Variants in CD200R1L observed in about 807,000 individuals in gnomAD.
CD200R1L encodes cell surface glycoprotein CD200 receptor 2.
A neutral mutation model predicts 24.8 loss-of-function variants in CD200R1L; 14 were observed. The ratio of observed to expected loss-of-function variants is 0.56; its 90% CI spans 0.37 to 0.88. The LOEUF (loss-of-function observed/expected upper bound fraction) is 0.88. Ranked by LOEUF, CD200R1L falls within the 40% of genes least tolerant of loss-of-function variation. The pLI is 0.00. For missense variants in CD200R1L, 299 were observed against 297.8 expected (o/e 1.00, Z -0.03); for synonymous variants, 111 against 109.2 (o/e 1.02, Z -0.11).
At chr3:112,832,049 T>C (rs1938814498) in intron 3 of CD200R1L, among the ~76,000 whole-genome samples, 2 of 152,238 alleles carry the variant, frequency 1.3e-5, no homozygotes, top group Non-Finnish European at 2.9e-5. Flanking sequence ...GGGTCTTGGT[T>C]ATCCCAGCCA....
intron 3 of CD200R1L, among the ~76,000 whole-genome samples, chr3:112,834,461 TCTAAGCTATAG>T (rs1027152375): frequency 2.0e-5 from 3 of 152,136 alleles, no homozygotes; most frequent in East Asian, 1.9e-4. Context: ...TAAGAATTCC[TCTAAGCTATAG>T]CTAAGCTATA....
chr3:112,835,078 C>T (rs1938902588), intron 3 of CD200R1L, among the ~76,000 whole-genome samples: 1 of 152,210 alleles, frequency 6.6e-6, no homozygotes, highest in African/African-American at 2.4e-5. Flanking sequence ...TGTTTCAGCC[C>T]TGTTTGTGTT....
chr3:112,829,214 C>A, intron 4 of CD200R1L, 105 bp downstream of exon 4: 1 of 811,324 alleles, frequency 1.2e-6, no homozygotes. Context: ...ACATGTTCTT[C>A]AAGTAGTCAC....
chr3:112,845,651 G>C, intron 2 of CD200R1L, 28 bp downstream of exon 2: 1 of 1,578,600 alleles, frequency 6.3e-7, no homozygotes, highest in South Asian at 1.1e-5. Context: ...TTTATTTTCA[G>C]CTGAAAATGT....
intron 2 of CD200R1L, among the ~76,000 whole-genome samples, chr3:112,844,018 T>C (rs1576100357): frequency 2.0e-5 from 3 of 152,216 alleles, no homozygotes. Flanking sequence ...CCTAAATATA[T>C]ACATGCCTGA....
intron 6 of CD200R1L, among the ~76,000 whole-genome samples, chr3:112,821,056 C>CAA (rs552399170): frequency 6.0e-5 from 5 of 82,784 alleles, no homozygotes; most frequent in South Asian, 3.7e-4. Flanking sequence ...GACTCTGTCT[C>CAA]AAAAAAAAAA....
intron 6 of CD200R1L, among the ~76,000 whole-genome samples, chr3:112,822,394 T>C (rs1938555889): frequency 6.6e-6 from 1 of 152,156 alleles, no homozygotes. Context: ...TCCCCTTCCA[T>C]TGACCTCCTG....
rs372575205 is a variant in CD200R1L, at chr3:112,819,878, A to C, written c.634T>G (p.Ser212Ala). The change falls in exon 7 of 8, where the codon TCT becomes GCT. Residue 212 changes from serine to alanine, a missense_variant. Physicochemically the swap from Ser to Ala is moderately conservative, Grantham distance 99. Transcript: ENST00000488794. ...ATGATCAGTAAGGACAACGCTGGAG[A>C]TCCTGAGGTTCTGAGACCTTTAAAT... ...KLNSGLRTSG[S>A]PALSLLIILY... 4.4e-5 allele frequency: 70 copies of C among 1,602,530 alleles called. No homozygotes were observed. In the African/African-American group the frequency reaches 9.3e-4, roughly 21 times the overall value.
At chr3:112,829,175 G>T in intron 4 of CD200R1L, 144 bp downstream of exon 4, 1 of 604,650 alleles carries the variant, frequency 1.7e-6, no homozygotes, top group Non-Finnish European at 3.0e-6. Flanking sequence ...GGGACATTCA[G>T]GGTCCTTCGT....
chr3:112,830,851 C>T (rs1938780349), intron 3 of CD200R1L, among the ~76,000 whole-genome samples: 1 of 150,994 alleles, frequency 6.6e-6, no homozygotes, highest in African/African-American at 2.4e-5. Context: ...TCATTTCTTT[C>T]ACTCTTTTAG....
At position 112,835,155 on chromosome 3, in the gene CD200R1L, T is replaced by C. The variant is rs562690125; in HGVS notation, c.-18+2787A>G. 4.6e-5 allele frequency among the ~76,000 whole-genome samples: 7 copies of C among 152,278 alleles called. No individual in the cohort carries two copies. In the South Asian group the frequency reaches 1.2e-3, roughly 27 times the overall value. ...TGTCCTGTGACCAGGAAGAATGAGG[T>C]ATGCAGACAAGTGGAGGGCGAGCAA... On this transcript the variant is annotated intron_variant, in intron 3 of 7. Transcript: ENST00000488794.
chr3:112,826,223 T>G (rs1034769198), intron 6 of CD200R1L, among the ~76,000 whole-genome samples: 3 of 152,144 alleles, frequency 2.0e-5, no homozygotes, highest in Non-Finnish European at 4.4e-5. Context: ...AACCAACATT[T>G]ATTAATATAA....
At chr3:112,820,771 A>G (rs1390999931) in intron 6 of CD200R1L, among the ~76,000 whole-genome samples, 1 of 149,240 alleles carries the variant, frequency 6.7e-6, no homozygotes, top group Non-Finnish European at 1.5e-5. Flanking sequence ...GAAATTGACC[A>G]CCTAGGCAGG....
intron 2 of CD200R1L, among the ~76,000 whole-genome samples, chr3:112,841,073 A>T (rs1026543024): frequency 1.9e-4 from 29 of 152,086 alleles, no homozygotes; most frequent in Admixed American, 1.6e-3. Context: ...ATGGTTTGAT[A>T]TGGTTTGGCT....
intron 7 of CD200R1L, among the ~76,000 whole-genome samples, chr3:112,816,608 G>A (rs941863071): frequency 6.6e-6 from 1 of 152,192 alleles, no homozygotes; most frequent in Admixed American, 6.5e-5. Flanking sequence ...AGGGGAGGAT[G>A]AGCATTGGAC....
At chr3:112,839,331 C>T (rs1472936793) in intron 2 of CD200R1L, among the ~76,000 whole-genome samples, 1 of 152,164 alleles carries the variant, frequency 6.6e-6, no homozygotes, top group African/African-American at 2.4e-5. Context: ...TAGAGATATG[C>T]GAAAATGTCA....
chr3:112,832,402 C>T (rs1938822495), intron 3 of CD200R1L, among the ~76,000 whole-genome samples: 1 of 152,142 alleles, frequency 6.6e-6, no homozygotes, highest in South Asian at 2.1e-4. Context: ...AGCTTGCAGA[C>T]CATCTTGTTG....
At chr3:112,827,767 T>C in intron 4 of CD200R1L, 83 bp from the exon 5 acceptor site, 2 of 1,300,992 alleles carry the variant, frequency 1.5e-6, no homozygotes, top group Non-Finnish European at 2.1e-6. Context: ...GTATATTACA[T>C]GAAGTTTTAT....
intron 7 of CD200R1L, chr3:112,818,678 G>T (rs564310670): frequency 1.3e-5 from 2 of 154,298 alleles, no homozygotes; most frequent in African/African-American, 4.8e-5. Context: ...AGCACCCAAA[G>T]GGTGTATAAA....
Sources: allele counts gnomAD v4.1 joint callset (sites outside exome capture counted in the v4.1 genomes callset), GRCh38; gene constraint gnomAD v4.1.1; transcripts MANE v1.5; gene names NCBI Gene and HGNC (gene_info 2026-07-23, HGNC 2026-07-21).